The following DIS3L2 variants were observed in gnomAD, a reference collection of about 807,000 sequenced individuals.
The protein encoded by DIS3L2 is DIS3-like exonuclease 2.
In DIS3L2, 34 loss-of-function variants were observed where a neutral mutation model predicts 97.5. The observed-to-expected ratio is 0.35, with a 90% CI of 0.27 to 0.46. The LOEUF (loss-of-function observed/expected upper bound fraction) is 0.46. DIS3L2 is among the 20% of genes least tolerant of loss of function. DIS3L2 has a pLI of 1.00. For synonymous variants in DIS3L2, 435 were observed against 445.2 expected (o/e 0.98, Z 0.29); for missense variants, 1,038 against 1,146.0 (o/e 0.91, Z 1.36).
chr2:231,979,724 C>A (rs970269960), intron 1 of DIS3L2, among the ~76,000 whole-genome samples: 2 of 151,918 alleles, frequency 1.3e-5, no homozygotes, highest in East Asian at 3.9e-4. Context: ...ATTACAGGCA[C>A]CTGCCACCAC....
intron 13 of DIS3L2, among the ~76,000 whole-genome samples, chr2:232,267,014 T>C (rs1693871449): frequency 1.3e-5 from 2 of 152,160 alleles, no homozygotes; most frequent in Non-Finnish European, 2.9e-5. Flanking sequence ...TGATTGTTTG[T>C]TGAGTTAGGG....
chr2:232,326,022 G>A (rs764275113), intron 14 of DIS3L2, among the ~76,000 whole-genome samples: 2 of 152,190 alleles, frequency 1.3e-5, no homozygotes, highest in African/African-American at 4.8e-5. Context: ...GGGGCGTTTC[G>A]GAGGTTTGGC....
Position 232,015,528 on chromosome 2 carries a change from G to C in DIS3L2, c.67G>C (p.Ala23Pro), listed in dbSNP as rs886288172. 17 of 1,613,818 alleles carry C rather than the reference G, an allele frequency of 1.1e-5. No individual in the cohort carries two copies. Among genetic ancestry groups the C allele is most frequent in the Non-Finnish European group, 1.4e-5 (16 of 1,179,904 alleles). ...LGTPRGVSAVAGPHDIGASPG... is the reference protein window; with the variant it reads ...LGTPRGVSAVPGPHDIGASPG... ...CCTGTTTCTAGGTGTGTCTGCTGTG[G>C]CTGGTCCACATGACATTGGTGCTTC... The change falls in exon 3 of 21, where the codon GCT (alanine) becomes CCT (proline). Residue 23 changes from alanine to proline, a missense_variant. Coordinates refer to ENST00000325385, the MANE Select transcript of DIS3L2 (RefSeq NM_152383.5).
intron 10 of DIS3L2, among the ~76,000 whole-genome samples, chr2:232,230,617 T>C (rs761461251): frequency 4.6e-5 from 7 of 152,098 alleles, no homozygotes; most frequent in Non-Finnish European, 8.8e-5. Context: ...GTACTTCTGA[T>C]TGTGGTCTTG....
intron 14 of DIS3L2, chr2:232,307,612 A>G (rs951416426): frequency 4.6e-5 from 7 of 152,194 alleles, no homozygotes; most frequent in East Asian, 1.9e-4. Flanking sequence ...TTGCAAGGCT[A>G]TACTCTTGTT....
intron 1 of DIS3L2, among the ~76,000 whole-genome samples, chr2:231,998,369 T>G (rs1693786682): frequency 6.6e-6 from 1 of 152,210 alleles, no homozygotes; most frequent in Admixed American, 6.5e-5. Context: ...TGGTTGAGCC[T>G]TCATGGCCAA....
At chr2:232,295,948 T>A (rs1694715812) in intron 13 of DIS3L2, among the ~76,000 whole-genome samples, 1 of 152,222 alleles carries the variant, frequency 6.6e-6, no homozygotes, top group South Asian at 2.1e-4. Context: ...CCAGTTTCTG[T>A]TGTCCAGCTC....
At chr2:232,025,915 A>G (rs1238983152) in intron 4 of DIS3L2, among the ~76,000 whole-genome samples, 2 of 152,190 alleles carry the variant, frequency 1.3e-5, no homozygotes, top group Non-Finnish European at 2.9e-5. Flanking sequence ...TGTATGAAAG[A>G]CACAGATTTT....
intron 9 of DIS3L2, among the ~76,000 whole-genome samples, chr2:232,194,190 A>C (rs1691688118): frequency 6.6e-6 from 1 of 152,134 alleles, no homozygotes; most frequent in African/African-American, 2.4e-5. Flanking sequence ...ATATATTAAT[A>C]GGAATGTATC....
chr2:231,968,097 ATTTT>A (rs34272468), intron 1 of DIS3L2, among the ~76,000 whole-genome samples: 1 of 134,660 alleles, frequency 7.4e-6, no homozygotes, highest in African/African-American at 2.7e-5. Flanking sequence ...CAGATAACTG[ATTTT>A]TTTTTTTTTT....
intron 6 of DIS3L2, among the ~76,000 whole-genome samples, chr2:232,103,533 T>C (rs1031023799): frequency 1.3e-5 from 2 of 152,244 alleles, no homozygotes; most frequent in Admixed American, 1.3e-4. Flanking sequence ...ATTCCTCATC[T>C]GACCATGACC....
At chr2:232,035,334 T>G (rs563653625) in intron 5 of DIS3L2, among the ~76,000 whole-genome samples, 7 of 152,346 alleles carry the variant, frequency 4.6e-5, no homozygotes, top group African/African-American at 1.7e-4. Flanking sequence ...TGCTTTTTTT[T>G]GCTTTCCATT....
intron 12 of DIS3L2, chr2:232,259,702 A>G (rs1378391939): frequency 6.6e-6 from 1 of 152,092 alleles, no homozygotes; most frequent in East Asian, 1.9e-4. Context: ...CGCTGCAACC[A>G]ACACCTCCCA....
intron 9 of DIS3L2, among the ~76,000 whole-genome samples, chr2:232,209,894 C>T (rs1692138876): frequency 6.6e-6 from 1 of 152,230 alleles, no homozygotes; most frequent in Admixed American, 6.5e-5. Flanking sequence ...GTTAACTCTA[C>T]GGCCCAAAGT....
At chr2:232,170,726 T>C (rs1690961721) in intron 9 of DIS3L2, among the ~76,000 whole-genome samples, 1 of 152,160 alleles carries the variant, frequency 6.6e-6, no homozygotes, top group South Asian at 2.1e-4. Flanking sequence ...AAACTGCAGC[T>C]TCTCGGCTGC....
At chr2:232,102,316 T>C (rs1227236842) in intron 6 of DIS3L2, among the ~76,000 whole-genome samples, 3 of 152,176 alleles carry the variant, frequency 2.0e-5, no homozygotes, top group African/African-American at 2.4e-5. Flanking sequence ...ACTAAAAATA[T>C]TGTGTGAAGC....
At chr2:232,015,074 G>C (rs979655805) in intron 2 of DIS3L2, 95 bp downstream of exon 2, 1 of 1,237,374 alleles carries the variant, frequency 8.1e-7, no homozygotes, top group Non-Finnish European at 1.2e-6. Flanking sequence ...AGGACTGAGG[G>C]CTACTATAAT....
intron 5 of DIS3L2, among the ~76,000 whole-genome samples, chr2:232,059,769 T>C (rs950664519): frequency 2.0e-5 from 3 of 152,206 alleles, no homozygotes; most frequent in Non-Finnish European, 4.4e-5. Context: ...TTACTTAGGA[T>C]AGTGGCCTCC....
chr2:232,249,803 T>G (rs1449067752), intron 12 of DIS3L2, among the ~76,000 whole-genome samples: 1 of 152,162 alleles, frequency 6.6e-6, no homozygotes, highest in Admixed American at 6.5e-5. Flanking sequence ...GTGTTAGGGT[T>G]CCTCTGAAGT....
Sources: allele counts gnomAD v4.1 joint callset (sites outside exome capture counted in the v4.1 genomes callset), GRCh38; gene constraint gnomAD v4.1.1; transcripts MANE v1.5; gene names NCBI Gene and HGNC (gene_info 2026-07-23, HGNC 2026-07-21).